The following USP28 variants were observed in gnomAD, a reference collection of about 807,000 sequenced individuals.
USP28 encodes ubiquitin specific peptidase 28.
Under a neutral mutation model 145.0 loss-of-function variants are expected in USP28, and 113 were observed. That is an observed-to-expected ratio of 0.78 (90% CI 0.67 to 0.91). The LOEUF (loss-of-function observed/expected upper bound fraction) is 0.91. Ranked by LOEUF, USP28 falls within the 40% of genes least tolerant of loss-of-function variation. USP28 has a pLI of 0.00. For synonymous variants in USP28, 447 were observed against 450.9 expected, an observed-to-expected ratio of 0.99 and a Z score of 0.11; for missense variants, 1,201 against 1,289.6, an observed-to-expected ratio of 0.93 and a Z score of 1.05.
chr11:113,807,075 CTT>C (rs1409404373), intron 18 of USP28, among the ~76,000 whole-genome samples: 6 of 144,386 alleles, frequency 4.2e-5, no homozygotes, highest in Admixed American at 6.9e-5. Flanking sequence ...TTTTCAAGGA[CTT>C]TTTTTTTTTT....
chr11:113,809,041 G>C (rs542683933), intron 17 of USP28, 22 bp downstream of exon 17: 1 of 1,605,866 alleles, frequency 6.2e-7, no homozygotes, highest in South Asian at 1.1e-5. Context: ...TGGATCACTG[G>C]CATAAATGCC....
intron 12 of USP28, among the ~76,000 whole-genome samples, chr11:113,819,275 G>A (rs1428660923): frequency 6.6e-6 from 1 of 151,928 alleles, no homozygotes; most frequent in Non-Finnish European, 1.5e-5. Flanking sequence ...GCCACGCCCA[G>A]CTAATTTTTA....
chr11:113,842,773 G>GA (rs1414363159), intron 3 of USP28, among the ~76,000 whole-genome samples: 1 of 151,926 alleles, frequency 6.6e-6, no homozygotes, highest in East Asian at 1.9e-4. Flanking sequence ...ACTAGGAAGA[G>GA]AAAAAAATAT....
intron 3 of USP28, among the ~76,000 whole-genome samples, chr11:113,848,314 C>T (rs1208067361): frequency 2.0e-5 from 3 of 152,158 alleles, no homozygotes; most frequent in Admixed American, 1.3e-4. Context: ...TTTGGAGAAA[C>T]TTTACAAGCT....
At chr11:113,863,481 C>G (rs1947917749) in intron 1 of USP28, among the ~76,000 whole-genome samples, 1 of 151,348 alleles carries the variant, frequency 6.6e-6, no homozygotes, top group Non-Finnish European at 1.5e-5. Context: ...CACATCTCTA[C>G]AGAAAACACA....
intron 10 of USP28, among the ~76,000 whole-genome samples, chr11:113,828,535 A>G (rs983166602): frequency 1.3e-5 from 2 of 152,182 alleles, no homozygotes; most frequent in Non-Finnish European, 2.9e-5. Context: ...CTCCTATAGT[A>G]ATTACTGAGT....
At chr11:113,855,088 A>T (rs1391020156) in intron 1 of USP28, among the ~76,000 whole-genome samples, 1 of 151,256 alleles carries the variant, frequency 6.6e-6, no homozygotes, top group East Asian at 1.9e-4. Context: ...TAACACCAAC[A>T]TATTTAAAAC....
chr11:113,845,464 TAA>T (rs1311757511), intron 3 of USP28, among the ~76,000 whole-genome samples: 2 of 151,238 alleles, frequency 1.3e-5, no homozygotes, highest in East Asian at 3.9e-4. Context: ...ATAAATAAAA[TAA>T]AATAAATGAT....
chr11:113,804,055 T>C (rs1309968399), intron 21 of USP28, among the ~76,000 whole-genome samples, 178 bp from the exon 23 acceptor site: 2 of 152,250 alleles, frequency 1.3e-5, no homozygotes, highest in Non-Finnish European at 2.9e-5. Flanking sequence ...AGTCTACCAC[T>C]GACCTTAATT....
At chr11:113,865,121 G>C (rs1364975246) in intron 1 of USP28, among the ~76,000 whole-genome samples, 1 of 152,178 alleles carries the variant, frequency 6.6e-6, no homozygotes, top group African/African-American at 2.4e-5. Flanking sequence ...TTACAGGCGT[G>C]AGGCACTGCG....
chr11:113,809,607 G>T (rs1372006734), intron 16 of USP28, among the ~76,000 whole-genome samples: 1 of 152,212 alleles, frequency 6.6e-6, no homozygotes, highest in East Asian at 1.9e-4. Flanking sequence ...GAGCATTTGG[G>T]ATTTTGGATA....
At chr11:113,837,783 T>C (rs1944736181) in intron 5 of USP28, among the ~76,000 whole-genome samples, 1 of 152,210 alleles carries the variant, frequency 6.6e-6, no homozygotes, top group Non-Finnish European at 1.5e-5. Flanking sequence ...CAAGAGGATG[T>C]CCTGATAGAA....
Position 113,854,396 on chromosome 11 carries a change from T to G in USP28, c.58-61A>C. 2.7e-6 allele frequency: 4 copies of G among 1,494,660 alleles called. No homozygotes were observed. In the South Asian group the frequency reaches 4.6e-5, roughly 17 times the overall value. The allele number at this position is 1,494,660 out of a possible 1,614,324, so 92.6% of individuals were successfully genotyped here. On this transcript the variant is annotated intron_variant, in intron 1 of 24. Coordinates refer to ENST00000003302, the Ensembl canonical transcript of USP28. ...AGTCAGAAAGTAAACCTGGGTACAT[T>G]TAAAGAATAACTAAAAGCATCTTGG...
At chr11:113,844,007 T>C (rs1945525918) in intron 3 of USP28, among the ~76,000 whole-genome samples, 1 of 151,952 alleles carries the variant, frequency 6.6e-6, no homozygotes, top group South Asian at 2.1e-4. Context: ...AGAGCTAAAA[T>C]ATAAAAGTAG....
intron 2 of USP28, 141 bp from the exon 3 acceptor site, chr11:113,852,774 A>G: frequency 1.0e-6 from 1 of 955,730 alleles, no homozygotes; most frequent in Non-Finnish European, 1.5e-6. Flanking sequence ...ACTATGGTGG[A>G]CAGTAGGTCT....
intron 1 of USP28, among the ~76,000 whole-genome samples, chr11:113,861,903 A>T (rs1432107456): frequency 6.6e-6 from 1 of 152,264 alleles, no homozygotes; most frequent in Admixed American, 6.5e-5. Context: ...TTTTAACAAC[A>T]TATTGGTAGG....
intron 5 of USP28, chr11:113,835,399 A>G (rs910701826): frequency 1.1e-5 from 5 of 454,532 alleles, no homozygotes; most frequent in African/African-American, 1.0e-4. Flanking sequence ...TAAAAGCCCC[A>G]GGTATATTTC....
intron 6 of USP28, 27 bp from the exon 7 acceptor site, chr11:113,833,584 T>G: frequency 6.3e-7 from 1 of 1,580,626 alleles, no homozygotes; most frequent in Non-Finnish European, 8.6e-7. Flanking sequence ...ACATGTACTC[T>G]TACAATATCT....
intron 2 of USP28, among the ~76,000 whole-genome samples, chr11:113,853,933 T>C (rs1946760551): frequency 6.6e-6 from 1 of 151,166 alleles, no homozygotes; most frequent in Non-Finnish European, 1.5e-5. Flanking sequence ...AACAGGTTTT[T>C]TCAATATCAG....
Sources: gnomAD v4.1 joint callset for allele counts (sites outside exome capture counted in the v4.1 genomes callset) on GRCh38, gnomAD v4.1.1 for gene constraint, MANE v1.5 for transcripts, NCBI Gene and HGNC (gene_info 2026-07-23, HGNC 2026-07-21) for gene names.